Variants in NRXN3 observed in about 807,000 individuals in gnomAD.
The protein encoded by NRXN3 is neurexin III.
Under a neutral mutation model 137.6 loss-of-function variants are expected in NRXN3, and 32 were observed. The observed-to-expected ratio is 0.23, with a 90% CI of 0.18 to 0.31. NRXN3 has a LOEUF of 0.31. NRXN3 is among the 10% of genes least tolerant of loss of function. The probability of loss-of-function intolerance (pLI) is 1.00; values close to 1 mark genes in which losing one functional copy is unlikely to be tolerated. For synonymous variants in NRXN3, 798 were observed against 784.5 expected (o/e 1.02, Z -0.29); for missense variants, 1,574 against 2,062.5 (o/e 0.76, Z 4.59).
At chr14:79,541,166 T>C (rs2097268326) in intron 16 of NRXN3, among the ~76,000 whole-genome samples, 1 of 152,160 alleles carries the variant, frequency 6.6e-6, no homozygotes, top group Non-Finnish European at 1.5e-5. Context: ...ATCCCAGCAC[T>C]TTGGGAGGCC....
At chr14:79,507,575 G>T (rs1171495456) in intron 16 of NRXN3, among the ~76,000 whole-genome samples, 1 of 152,118 alleles carries the variant, frequency 6.6e-6, no homozygotes, top group Admixed American at 6.6e-5. Context: ...AAGAGAGAAA[G>T]AAATAGAGAA....
rs560137284 is a variant in NRXN3, at chr14:79,595,537, ACT to A, written c.3445-68239_3445-68238del. ...GTATAATTTCCATTTAAATTTAAAAACTCAAGCAGTGTAAAATAGTTTTCATC... is the reference window on the plus strand; with the variant it reads ...GTATAATTTCCATTTAAATTTAAAAACAAGCAGTGTAAAATAGTTTTCATC... On this transcript the variant is annotated intron_variant, in intron 16 of 20. Coordinates refer to ENST00000335750, the MANE Select transcript of NRXN3 (RefSeq NM_001330195.2). Among the ~76,000 whole-genome samples, 137 of 152,186 alleles carry A rather than the reference ACT, an allele frequency of 9.0e-4. 1 individual carries two copies. The highest frequency in any genetic ancestry group is 1.7e-3 in the Non-Finnish European group (117 of 68,018).
At chr14:79,530,949 C>A (rs570918430) in intron 16 of NRXN3, among the ~76,000 whole-genome samples, 1 of 152,212 alleles carries the variant, frequency 6.6e-6, no homozygotes, top group East Asian at 1.9e-4. Context: ...GTTTATCTCA[C>A]GGAAACATGA....
At chr14:79,670,519 A>G (rs1433685552) in intron 17 of NRXN3, among the ~76,000 whole-genome samples, 1 of 152,078 alleles carries the variant, frequency 6.6e-6, no homozygotes, top group Non-Finnish European at 1.5e-5. Context: ...AACCAAGTGA[A>G]TGCTCAGATT....
intron 15 of NRXN3, chr14:79,199,921 T>G (rs2065720427): frequency 1.3e-5 from 2 of 152,186 alleles, no homozygotes; most frequent in African/African-American, 4.8e-5. Context: ...TTGGGTTCTA[T>G]TCAGTATATA....
intron 19 of NRXN3, among the ~76,000 whole-genome samples, chr14:79,799,393 T>C (rs1441632017): frequency 6.6e-6 from 1 of 152,220 alleles, no homozygotes; most frequent in Non-Finnish European, 1.5e-5. Context: ...TCATGCACTA[T>C]GTTCTATAAA....
chr14:78,787,718 C>G (rs1420109854), intron 8 of NRXN3, among the ~76,000 whole-genome samples: 1 of 152,098 alleles, frequency 6.6e-6, no homozygotes, highest in Non-Finnish European at 1.5e-5. Flanking sequence ...CAGTGCTGTT[C>G]AAGATGAAAA....
intron 4 of NRXN3, among the ~76,000 whole-genome samples, chr14:78,612,999 G>A (rs1454312796): frequency 6.6e-6 from 1 of 152,182 alleles, no homozygotes; most frequent in East Asian, 1.9e-4. Context: ...ACATAATCAT[G>A]GAATGTTAGA....
intron 4 of NRXN3, among the ~76,000 whole-genome samples, chr14:78,359,531 T>G (rs1268981302): frequency 2.0e-5 from 3 of 152,178 alleles, no homozygotes; most frequent in African/African-American, 7.2e-5. Flanking sequence ...ATGAAGACAG[T>G]TCTGCAGCTA....
chr14:78,484,100 G>A (rs1033479721), intron 4 of NRXN3, among the ~76,000 whole-genome samples: 1 of 151,880 alleles, frequency 6.6e-6, no homozygotes, highest in African/African-American at 2.4e-5. Flanking sequence ...GGATTCAAGA[G>A]GCAGAATTAT....
At chr14:78,334,584 G>A (rs1476461094) in intron 4 of NRXN3, among the ~76,000 whole-genome samples, 1 of 152,146 alleles carries the variant, frequency 6.6e-6, no homozygotes, top group Non-Finnish European at 1.5e-5. Context: ...GTGTGTGCGT[G>A]TTTGTTTTTT....
At chr14:79,814,401 C>A (rs970592165) in intron 20 of NRXN3, among the ~76,000 whole-genome samples, 3 of 152,200 alleles carry the variant, frequency 2.0e-5, no homozygotes, top group Non-Finnish European at 4.4e-5. Context: ...CTACTTTTAA[C>A]CTTACCCCTA....
chr14:79,190,380 G>A (rs2064129376), intron 15 of NRXN3, among the ~76,000 whole-genome samples: 1 of 152,032 alleles, frequency 6.6e-6, no homozygotes, highest in African/African-American at 2.4e-5. Context: ...TTGAAAAAAT[G>A]AATTTAAGTC....
intron 15 of NRXN3, among the ~76,000 whole-genome samples, chr14:79,077,528 T>C (rs1228329022): frequency 6.6e-6 from 1 of 152,208 alleles, no homozygotes; most frequent in East Asian, 1.9e-4. Context: ...AGATATGTAC[T>C]AGGCTTCTGC....
chr14:79,476,945 T>C (rs561507946), intron 16 of NRXN3, among the ~76,000 whole-genome samples: 138 of 152,232 alleles, frequency 9.1e-4, no homozygotes, highest in African/African-American at 3.2e-3. Flanking sequence ...GGTAATAATT[T>C]TAACTCAATT....
At chr14:78,880,609 G>A (rs1180840760) in intron 10 of NRXN3, among the ~76,000 whole-genome samples, 2 of 152,142 alleles carry the variant, frequency 1.3e-5, no homozygotes, top group African/African-American at 4.8e-5. Context: ...AGAGAGCAGA[G>A]TAGGGTGGAA....
chr14:78,754,681 GC>G (rs1463793301), intron 8 of NRXN3, among the ~76,000 whole-genome samples: 1 of 152,132 alleles, frequency 6.6e-6, no homozygotes, highest in Non-Finnish European at 1.5e-5. Flanking sequence ...GTATCACCTG[GC>G]AACCTGTTAG....
chr14:78,935,574 C>T (rs537718216), intron 10 of NRXN3, among the ~76,000 whole-genome samples: 4 of 152,056 alleles, frequency 2.6e-5, no homozygotes, highest in African/African-American at 7.2e-5. Flanking sequence ...GTTACTGTTT[C>T]GAGAATATTG....
intron 2 of NRXN3, among the ~76,000 whole-genome samples, chr14:78,275,743 A>T (rs2153495035): frequency 6.6e-6 from 1 of 152,234 alleles, no homozygotes. Context: ...CTTGGAGCTC[A>T]AGTGGGAGTG....
Sources: gnomAD v4.1 joint callset for allele counts (sites outside exome capture counted in the v4.1 genomes callset) on GRCh38, gnomAD v4.1.1 for gene constraint, MANE v1.5 for transcripts, NCBI Gene and HGNC (gene_info 2026-07-23, HGNC 2026-07-21) for gene names.